Variants in ZNF644 observed in about 807,000 individuals in gnomAD.
ZNF644 encodes zinc finger motif enhancer binding protein 2.
In ZNF644, 20 loss-of-function variants were observed where a neutral mutation model predicts 108.0. The ratio of observed to expected loss-of-function variants is 0.19; its 90% CI spans 0.13 to 0.27. The LOEUF (loss-of-function observed/expected upper bound fraction) is 0.27. Among genes scored for constraint, ZNF644 ranks in the 10% least tolerant of loss-of-function variants. The probability of loss-of-function intolerance (pLI) is 1.00; values close to 1 mark genes in which losing one functional copy is unlikely to be tolerated. For synonymous variants in ZNF644, 542 were observed against 539.1 expected, an observed-to-expected ratio of 1.01 and a Z score of -0.08; for missense variants, 1,338 against 1,548.9, an observed-to-expected ratio of 0.86 and a Z score of 2.29.
At chr1:90,920,055 G>C (rs1036111695) in intron 4 of ZNF644, among the ~76,000 whole-genome samples, 1 of 152,022 alleles carries the variant, frequency 6.6e-6, no homozygotes, top group Non-Finnish European at 1.5e-5. Flanking sequence ...GCTTTGGTGA[G>C]CAATCTGAAT....
chr1:90,950,085 C>T (rs1447217049), intron 2 of ZNF644, among the ~76,000 whole-genome samples: 1 of 151,390 alleles, frequency 6.6e-6, no homozygotes, highest in African/African-American at 2.4e-5. Flanking sequence ...CACGACCAGC[C>T]TGGGCAACAT....
At chr1:90,982,477 A>G in intron 1 of ZNF644, 107 bp from the exon 2 acceptor site, 1 of 725,062 alleles carries the variant, frequency 1.4e-6, no homozygotes, top group South Asian at 1.7e-5. Flanking sequence ...AAACCAAATT[A>G]TATTTCTTGA....
intron 4 of ZNF644, among the ~76,000 whole-genome samples, chr1:90,934,420 ATGAT>A (rs1651101447): frequency 6.6e-6 from 1 of 152,226 alleles, no homozygotes; most frequent in Non-Finnish European, 1.5e-5. Flanking sequence ...GAGAAATAAA[ATGAT>A]TGGAAAGAAT....
In ZNF644 at chr1:90,938,127, T is replaced by C. The variant is rs1338659553; in HGVS notation, c.3083-37A>G. ...TTTTTAAGAGTAATATCAGACTTTC[T>C]TATATAAACTGACCACCCTAAAATG... On this transcript the variant is annotated intron_variant, in intron 3 of 5. Coordinates refer to ENST00000337393, the MANE Select transcript of ZNF644 (RefSeq NM_201269.3). The surrounding 1 kb of genome is among the most constrained non-coding windows in gnomAD (Gnocchi z 4.2). 2 of 1,608,866 alleles carry C rather than the reference T, an allele frequency of 1.2e-6. No individual in the cohort carries two copies. Among genetic ancestry groups the C allele is most frequent in the Admixed American group, 3.3e-5 (2 of 59,768 alleles).
chr1:90,962,531 A>G (rs71668047), intron 2 of ZNF644, among the ~76,000 whole-genome samples: 1 of 152,102 alleles, frequency 6.6e-6, no homozygotes, highest in Non-Finnish European at 1.5e-5. Context: ...TACATAATAA[A>G]CAATATACAA....
chr1:90,940,861 T>C lies in ZNF644; in HGVS notation c.493A>G (p.Thr165Ala). The C allele has an allele frequency of 6.2e-7, 1 of 1,614,046 alleles. No homozygotes were observed. The highest frequency in any genetic ancestry group is 8.5e-7 in the Non-Finnish European group (1 of 1,179,970). Residue 165 changes from threonine (T) to alanine (A), a missense_variant, in exon 3 of 6, where the codon ACA becomes GCA. By Grantham distance (58) the Thr-to-Ala change is moderately conservative. Transcript: ENST00000337393. The part of the protein sequence containing the change: ...LKVAADLQLS[T>A]PQKASQHQVL... The stretch of plus-strand genomic sequence containing the variant: ...TGGTGTTGACTTGCTTTCTGTGGTG[T>C]AGACAGCTGAAGATCAGCTGCTACC...
rs1239586142 is a variant in ZNF644 at position 90,916,662 on chromosome 1, C to G, written c.*136G>C. 2 of 898,024 alleles carry G rather than the reference C, an allele frequency of 2.2e-6. No individual in the cohort carries two copies. Among genetic ancestry groups the G allele is most frequent in the South Asian group, 3.0e-5 (2 of 67,116 alleles). The allele number at this position is 898,024 out of a possible 1,614,324, so 55.6% of individuals were successfully genotyped here. A position where few individuals can be genotyped will look rare whatever the true frequency, so the allele number is the denominator to read the frequency against. Reference sequence around the variant, plus strand: ...TACTGTTTTAAGTATTCAATTTGCTCTGATGTCACTGTAATTCACTTTCCC... The same window carrying G: ...TACTGTTTTAAGTATTCAATTTGCTGTGATGTCACTGTAATTCACTTTCCC... On this transcript the variant is annotated 3_prime_UTR_variant, in exon 6 of 6. Coordinates refer to ENST00000337393, the MANE Select transcript of ZNF644 (RefSeq NM_201269.3).
At position 90,926,527 on chromosome 1, in the gene ZNF644, TCTC is replaced by T. The variant is rs528048782; in HGVS notation, c.3689-8376_3689-8374del. 3.0e-3 allele frequency among the ~76,000 whole-genome samples: 458 copies of T among 152,248 alleles called. 2 individuals carry two copies. The highest frequency in any genetic ancestry group is 4.9e-3 in the Admixed American group (75 of 15,290). ...AAGCTCTCTTTTCCAAATTTGTAGA[TCTC>T]CTGCTTTTAAGGTGATACTTTGTTA... On this transcript the variant is annotated intron_variant, in intron 4 of 5. Coordinates refer to ENST00000337393, the MANE Select transcript of ZNF644 (RefSeq NM_201269.3).
rs755580633 is a variant in ZNF644 at position 90,937,436 on chromosome 1, T to C, written c.3688+49A>G. 1.1e-5 allele frequency: 17 copies of C among 1,611,856 alleles called. No homozygotes were observed. In the East Asian group the frequency reaches 3.1e-4, roughly 30 times the overall value. On this transcript the variant is annotated intron_variant, in intron 4 of 5. Coordinates refer to ENST00000337393, the MANE Select transcript of ZNF644 (RefSeq NM_201269.3). ...ATAGATTCCATTAAAGAAGGCATAA[T>C]TGAACTGCATTTAAACTGTGTATAG...
intron 1 of ZNF644, among the ~76,000 whole-genome samples, chr1:91,013,946 G>A (rs145491277): frequency 6.6e-6 from 1 of 152,086 alleles, no homozygotes; most frequent in African/African-American, 2.4e-5. Context: ...TTTTGATGTG[G>A]CTATAGAAAA....
chr1:90,977,990 T>C (rs1056479108), intron 2 of ZNF644, among the ~76,000 whole-genome samples: 1 of 152,212 alleles, frequency 6.6e-6, no homozygotes, highest in East Asian at 1.9e-4. Context: ...TACTTTTTAC[T>C]TTAAACATTG....
chr1:90,953,162 T>A lies in ZNF644; in HGVS notation c.45-11853A>T, dbSNP rs530957692. Among the ~76,000 whole-genome samples the A allele has an allele frequency of 3.3e-5, 5 of 152,230 alleles. No homozygotes were observed. The South Asian group carries it at 8.3e-4, about 25-fold the overall frequency. ...GACAAGGTCATTGTGCAACACAAAC[T>A]ACCAAACATCTCCCCCCCTCATTAA... On this transcript the variant is annotated intron_variant, in intron 2 of 5. Transcript: ENST00000337393.
Position 90,978,836 on chromosome 1 carries a change from T to TA in ZNF644, c.44+3473dup, listed in dbSNP as rs74910043. Reference sequence around the variant, plus strand: ...CTAAACACACTTCACAATCAGGATTTAAAAAAAAAAAAAAAGAACCAAGGT... The same window carrying TA: ...CTAAACACACTTCACAATCAGGATTTAAAAAAAAAAAAAAAAGAACCAAGGT... On this transcript the variant is annotated intron_variant, in intron 2 of 5. Transcript: ENST00000337393. Among the ~76,000 whole-genome samples, 328 of 137,406 alleles carry TA rather than the reference T, an allele frequency of 2.4e-3. 2 individuals carry two copies. Among genetic ancestry groups the TA allele is most frequent in the African/African-American group, 6.3e-3 (236 of 37,328 alleles). The allele number at this position is 137,406 out of a possible 152,430, so 90.1% of individuals were successfully genotyped here.
chr1:90,938,629 T>A lies in ZNF644; in HGVS notation c.2725A>T (p.Ser909Cys). 1 of 1,610,988 alleles carries A rather than the reference T, an allele frequency of 6.2e-7. No homozygotes were observed. The change falls in exon 3 of 6, where the codon AGT (serine) becomes TGT (cysteine). Residue 909 changes from serine (S) to cysteine (C), a missense_variant. Ser to Cys is a moderately radical substitution (Grantham distance 112). This residue lies in a region of ZNF644 where 462 missense variants were observed against 472.6 expected (regional missense o/e 0.98). Transcript: ENST00000337393. This position sits in a 1 kb window ranked among gnomAD's most constrained non-coding sequence, Gnocchi z 4.2. The part of the protein sequence containing the change: ...GQEPGENATL[S>C]YDQNDGFYFE... ...TAAAAGCCATCGTTTTGGTCATAAC[T>A]AAGAGTAGCATTTTCTCCAGGCTCC...
chr1:90,938,755 C>T lies in ZNF644; in HGVS notation c.2599G>A (p.Gly867Arg), dbSNP rs759931038. The change falls in exon 3 of 6, where the codon GGA (glycine) becomes AGA (arginine). Residue 867 changes from glycine to arginine, a missense_variant. This residue lies in a region of ZNF644 where 462 missense variants were observed against 472.6 expected (regional missense o/e 0.98). Transcript: ENST00000337393. The surrounding 1 kb of genome is among the most constrained non-coding windows in gnomAD (Gnocchi z 4.2). ...DESSWDNVEL[G>R]DYTTQAIEDE... ...TCTATGGCCTGTGTAGTGTAGTCTC[C>T]TAACTCAACATTATCCCAGGAACTT... 2 of 1,613,874 alleles carry T rather than the reference C, an allele frequency of 1.2e-6. No individual in the cohort carries two copies. Among genetic ancestry groups the T allele is most frequent in the South Asian group, 1.1e-5 (1 of 91,074 alleles).
chr1:90,982,674 T>C (rs1350619273), intron 1 of ZNF644, among the ~76,000 whole-genome samples: 1 of 152,078 alleles, frequency 6.6e-6, no homozygotes, highest in Non-Finnish European at 1.5e-5. Context: ...AGTATGGCAA[T>C]GGCAATAATT....
At chr1:90,995,303 T>C (rs1320220362) in intron 1 of ZNF644, among the ~76,000 whole-genome samples, 1 of 151,944 alleles carries the variant, frequency 6.6e-6, no homozygotes, top group Non-Finnish European at 1.5e-5. Flanking sequence ...AAGAAAGAAT[T>C]GGTGAGTTTG....
At chr1:91,000,676 C>T (rs1226785158) in intron 1 of ZNF644, among the ~76,000 whole-genome samples, 1 of 152,052 alleles carries the variant, frequency 6.6e-6, no homozygotes, top group Non-Finnish European at 1.5e-5. Context: ...CAAGAAATAA[C>T]TAAGATCAGA....
intron 2 of ZNF644, among the ~76,000 whole-genome samples, chr1:90,952,487 A>AG (rs1468872271): frequency 6.6e-6 from 1 of 152,246 alleles, no homozygotes; most frequent in Non-Finnish European, 1.5e-5. Context: ...TTCAAAACAC[A>AG]GAACATTTAT....
Sources: gnomAD v4.1 joint callset for allele counts (sites outside exome capture counted in the v4.1 genomes callset) on GRCh38, gnomAD v4.1.1 for gene constraint, gnomAD v4.1.1 regional missense constraint, Gnocchi (gnomAD v3.1) non-coding constraint, MANE v1.5 for transcripts, NCBI Gene and HGNC (gene_info 2026-07-23, HGNC 2026-07-21) for gene names.